Variants in BCL11A observed in about 807,000 individuals in gnomAD.
BCL11A encodes the protein B cell CLL/lymphoma 11A.
Under a neutral mutation model 55.9 loss-of-function variants are expected in BCL11A, and 2 were observed. The ratio of observed to expected loss-of-function variants is 0.04; its 90% CI spans 0.01 to 0.11. The LOEUF (loss-of-function observed/expected upper bound fraction) is 0.11, where lower values mean the gene tolerates loss of function less well. Ranked by LOEUF, BCL11A falls within the 10% of genes least tolerant of loss-of-function variation. BCL11A has a pLI of 1.00. For missense variants in BCL11A, 817 were observed against 1,137.1 expected (o/e 0.72, Z 4.05); for synonymous variants, 465 against 473.4 (o/e 0.98, Z 0.23).
In BCL11A at chr2:60,460,731, A is replaced by G; in HGVS notation, c.2181T>C (p.Gly727=). The change falls in exon 4 of 4, where the codon GGT becomes GGC. Residue 727 remains glycine, a synonymous_variant. Coordinates refer to ENST00000642384, the MANE Select transcript of BCL11A (RefSeq NM_022893.4). Reference sequence around the variant, plus strand: ...TTGAGCTGGGCCTGCCCGGGCCCGGACCACTAATATGGGGCGTGCTCCCTC... The same window carrying G: ...TTGAGCTGGGCCTGCCCGGGCCCGGGCCACTAATATGGGGCGTGCTCCCTC... ...GSGGSTPHIS[G]PGPGRPSSKE... The G allele has an allele frequency of 1.2e-6, 2 of 1,614,068 alleles. No individual in the cohort carries two copies. Among genetic ancestry groups the G allele is most frequent in the Non-Finnish European group, 1.7e-6 (2 of 1,180,032 alleles).
At chr2:60,467,109 T>TGGTG (rs1676669966) in intron 3 of BCL11A, among the ~76,000 whole-genome samples, 1 of 147,712 alleles carries the variant, frequency 6.8e-6, no homozygotes, top group Non-Finnish European at 1.5e-5. Context: ...ATGGTGGTGG[T>TGGTG]AGTGGTGGTG....
chr2:60,475,761 G>A (rs992967932), intron 2 of BCL11A, among the ~76,000 whole-genome samples: 26 of 152,046 alleles, frequency 1.7e-4, no homozygotes, highest in African/African-American at 6.3e-4. Flanking sequence ...GCCTCTATCC[G>A]AGGTATTTAT....
intron 3 of BCL11A, among the ~76,000 whole-genome samples, chr2:60,464,879 GAA>G (rs754390502): frequency 2.3e-4 from 35 of 152,280 alleles, no homozygotes; most frequent in Middle Eastern, 3.4e-3. Context: ...TCAGGTCAGA[GAA>G]AATGGCATTT....
Position 60,466,700 on chromosome 2 carries a change from C to G in BCL11A, c.487+2032G>C, listed in dbSNP as rs970117380. On this transcript the variant is annotated intron_variant, in intron 3 of 3. Transcript: ENST00000642384. ...TGGGTAAGTGTCATCTCCCTCCCAT[C>G]TAAAAACAGTCCCCCTTAGAGCCTT... 2.0e-5 allele frequency among the ~76,000 whole-genome samples: 3 copies of G among 152,232 alleles called. No individual in the cohort carries two copies. The South Asian group carries it at 6.2e-4, about 32-fold the overall frequency.
chr2:60,484,755 G>A (rs1678170258), intron 2 of BCL11A, among the ~76,000 whole-genome samples: 2 of 151,832 alleles, frequency 1.3e-5, no homozygotes, highest in South Asian at 4.2e-4. Context: ...ATGGGCTGAG[G>A]TTTCCTGCCC....
At chr2:60,487,677 T>C (rs1678360153) in intron 2 of BCL11A, among the ~76,000 whole-genome samples, 1 of 152,150 alleles carries the variant, frequency 6.6e-6, no homozygotes, top group African/African-American at 2.4e-5. Flanking sequence ...TTAACGAGGG[T>C]GTTCAAAGTA....
intron 2 of BCL11A, among the ~76,000 whole-genome samples, chr2:60,516,896 T>A (rs1264894056): frequency 6.6e-6 from 1 of 152,166 alleles, no homozygotes; most frequent in Non-Finnish European, 1.5e-5. Context: ...AACCAGCAGA[T>A]TCTAAAGAGA....
In BCL11A at chr2:60,467,138, T is replaced by TTGGTGGTGATGGTGG. The variant is rs1676689882; in HGVS notation, c.487+1579_487+1593dup. 5.6e-3 allele frequency among the ~76,000 whole-genome samples: 349 copies of TTGGTGGTGATGGTGG among 61,818 alleles called. 5 individuals carry two copies. Among genetic ancestry groups the TTGGTGGTGATGGTGG allele is most frequent in the African/African-American group, 0.021 (339 of 15,844 alleles). The allele number at this position is 61,818 out of a possible 152,430, so 40.6% of individuals were successfully genotyped here. On this transcript the variant is annotated intron_variant, in intron 3 of 3. Transcript: ENST00000642384. ...GGTGGTGGTGGTGGTGATGGTGGTGTTGGTGGTGATGGTGGTGGTGGTGGT... is the reference window on the plus strand; with the variant it reads ...GGTGGTGGTGGTGGTGATGGTGGTGTTGGTGGTGATGGTGGTGGTGGTGATGGTGGTGGTGGTGGT...
intron 2 of BCL11A, among the ~76,000 whole-genome samples, chr2:60,491,687 A>G (rs901731347): frequency 2.4e-5 from 3 of 123,514 alleles, no homozygotes; most frequent in African/African-American, 8.2e-5. Context: ...AAAAAGAAAA[A>G]AGAAAAAAAA....
chr2:60,464,806 A>C (rs1016664543), intron 3 of BCL11A, among the ~76,000 whole-genome samples: 2 of 152,178 alleles, frequency 1.3e-5, no homozygotes, highest in Non-Finnish European at 2.9e-5. Context: ...TTTCAGAGCC[A>C]GTTATGTGAT....
chr2:60,550,979 G>A (rs1670389878), intron 1 of BCL11A: 2 of 394,692 alleles, frequency 5.1e-6, no homozygotes, highest in Non-Finnish European at 8.9e-6. Context: ...GAGGGGGTGG[G>A]GAGAGGGAGG....
Position 60,461,925 on chromosome 2 carries a change from T to A in BCL11A, c.987A>T (p.Pro329=). Residue 329 remains proline, a synonymous_variant, in exon 4 of 4, where the codon CCA becomes CCT. Transcript: ENST00000642384. ...GGCTGGGCCGGCCTGGGGACAGCGG[T>A]GGGCTAGACGTGTTCCCTGCCAGCT... ...LRELAGNTSS[P]PLSPGRPSPM... The A allele has an allele frequency of 6.2e-7, 1 of 1,614,058 alleles. No individual in the cohort carries two copies. Among genetic ancestry groups the A allele is most frequent in the African/African-American group, 1.3e-5 (1 of 75,024 alleles).
At chr2:60,456,149 T>G (rs1458939425), downstream of BCL11A, among the ~76,000 whole-genome samples, 4 of 152,134 alleles carry the variant, frequency 2.6e-5, no homozygotes, top group Admixed American at 2.6e-4. Flanking sequence ...AAAGGCCACC[T>G]CACAGGCACT....
chr2:60,527,638 C>T (rs935939808), intron 2 of BCL11A: 1 of 152,226 alleles, frequency 6.6e-6, no homozygotes, highest in South Asian at 2.1e-4. Flanking sequence ...TCCCTTGGTT[C>T]TAGCAGAAGG....
chr2:60,526,561 G>A (rs909968438), intron 2 of BCL11A: 1 of 152,182 alleles, frequency 6.6e-6, no homozygotes, highest in African/African-American at 2.4e-5. Flanking sequence ...TTGCATCAGG[G>A]ACAAATGAGC....
Position 60,460,799 on chromosome 2 carries a change from C to T in BCL11A, c.2113G>A (p.Glu705Lys). The T allele has an allele frequency of 6.2e-7, 1 of 1,612,918 alleles. No homozygotes were observed. Among genetic ancestry groups the T allele is most frequent in the Non-Finnish European group, 8.5e-7 (1 of 1,180,032 alleles). ...GSLRFSTPPGELDGGISGRSG... is the reference protein window; with the variant it reads ...GSLRFSTPPGKLDGGISGRSG... ...CGCCCCGAGATCCCTCCGTCCAGCT[C>T]CCCGGGCGGTGTGGAGAAGCGCAAA... Residue 705 changes from glutamate (E) to lysine (K), a missense_variant, in exon 4 of 4, where the codon GAG becomes AAG. This residue lies in a region of BCL11A where 379 missense variants were observed against 425.3 expected (regional missense o/e 0.89). Transcript: ENST00000642384.
chr2:60,532,985 T>G (rs913113240), intron 2 of BCL11A: 2 of 152,212 alleles, frequency 1.3e-5, no homozygotes, highest in African/African-American at 2.4e-5. Flanking sequence ...ATACAGTTTC[T>G]CCATTATATA....
chr2:60,503,840 T>C (rs1170177901), intron 2 of BCL11A, among the ~76,000 whole-genome samples: 1 of 152,200 alleles, frequency 6.6e-6, no homozygotes, highest in Non-Finnish European at 1.5e-5. Context: ...ATTATTTTAA[T>C]AAAATTTTTA....
Position 60,457,999 on chromosome 2 carries a change from T to G in BCL11A, c.*2405A>C. 1 of 1,033,806 alleles carries G rather than the reference T, an allele frequency of 9.7e-7. No individual in the cohort carries two copies. Among genetic ancestry groups the G allele is most frequent in the Non-Finnish European group, 1.2e-6 (1 of 859,388 alleles). 64.0% of individuals were successfully genotyped at this position (1,033,806 alleles called of 1,614,324 possible). A position where few individuals can be genotyped will look rare whatever the true frequency, so the allele number is the denominator to read the frequency against. ...ACAAATAATTTGCACTATATTATCCTGCCAAATTAAAAAAATATACTGTGG... is the reference window on the plus strand; with the variant it reads ...ACAAATAATTTGCACTATATTATCCGGCCAAATTAAAAAAATATACTGTGG... On this transcript the variant is annotated 3_prime_UTR_variant, in exon 4 of 4. Transcript: ENST00000642384.
Sources: allele counts gnomAD v4.1 joint callset (sites outside exome capture counted in the v4.1 genomes callset), GRCh38; gene constraint gnomAD v4.1.1; regional missense constraint gnomAD v4.1.1; transcripts MANE v1.5; gene names NCBI Gene and HGNC (gene_info 2026-07-23, HGNC 2026-07-21).